PDZD7: variants seen among roughly 807,000 people sequenced by gnomAD.
PDZD7 encodes the protein PDZ domain-containing protein 7.
Under a neutral mutation model 84.7 loss-of-function variants are expected in PDZD7, and 72 were observed. The ratio of observed to expected loss-of-function variants is 0.85; its 90% confidence interval spans 0.70 to 1.03. PDZD7 has a LOEUF of 1.03. Ranked by LOEUF, PDZD7 falls within the 50% of genes least tolerant of loss-of-function variation. The pLI, the probability that PDZD7 is intolerant of heterozygous loss-of-function variation, is 0.00. For synonymous variants in PDZD7, 594 were observed against 580.7 expected, an observed-to-expected ratio of 1.02 and a Z score of -0.33; for missense variants, 1,490 against 1,412.9, an observed-to-expected ratio of 1.05 and a Z score of -0.87.
At chr10:101,025,279 G>C (rs896005343) in intron 2 of PDZD7, among the ~76,000 whole-genome samples, 2 of 151,578 alleles carry the variant, frequency 1.3e-5, no homozygotes, top group African/African-American at 4.9e-5. Flanking sequence ...ATGCAATCTC[G>C]GTTCACTGCA....
At chr10:101,017,606 AC>A (rs1216542682) in intron 9 of PDZD7, 1 of 700,132 alleles carries the variant, frequency 1.4e-6, no homozygotes, top group Non-Finnish European at 2.6e-6. Flanking sequence ...ACAGGGTGAA[AC>A]CCCCATCTCT....
In PDZD7 at chr10:101,015,650, G is replaced by A. The variant is rs959548253; in HGVS notation, c.1735C>T (p.Arg579Cys). ...LTDDEVLAVT[R>C]HCSRYVHEGG... ...TGAAGGCTTACCCGGGAGCAGTGGC[G>A]GGTGACAGCCAGCACCTCGTCATCA... is the stretch of plus-strand genomic sequence containing the variant. Residue 579 changes from arginine to cysteine, a missense_variant, in exon 11 of 17, where the codon CGC (arginine) becomes TGC (cysteine). Arg to Cys is a radical substitution (Grantham distance 180). Transcript: ENST00000619208. 30 of 1,549,510 alleles carry A rather than the reference G, an allele frequency of 1.9e-5. No individual in the cohort carries two copies. Among genetic ancestry groups the A allele is most frequent in the East Asian group, 4.9e-5 (2 of 40,930 alleles).
At position 101,010,573 on chromosome 10, in the gene PDZD7, G is replaced by C. The variant is rs2133999163; in HGVS notation, c.2316C>G (p.Ser772Arg). Residue 772 changes from serine to arginine, a missense_variant, in exon 15 of 17, where the codon AGC becomes AGG. Transcript: ENST00000619208. The stretch of plus-strand genomic sequence containing the variant: ...GGCTGCGGCTACGGCTGCGGCTACG[G>C]CTCTGAGCCCGGCCCCGGATCTGGC... The part of the protein sequence containing the change: ...PQSQIRGRAQ[S>R]RSRSRSRSRS... 1 of 1,519,950 alleles carries C rather than the reference G, an allele frequency of 6.6e-7. No homozygotes were observed. Among genetic ancestry groups the C allele is most frequent in the East Asian group, 2.5e-5 (1 of 40,582 alleles). The allele number at this position is 1,519,950 out of a possible 1,614,324, so 94.2% of individuals were successfully genotyped here.
chr10:101,012,368 G>A, intron 11 of PDZD7, 110 bp from the exon 12 acceptor site: 1 of 923,532 alleles, frequency 1.1e-6, no homozygotes, highest in South Asian at 1.4e-5. Context: ...GACCTATCCA[G>A]CCCTGCGTGC....
At chr10:101,021,133 A>G (rs146248360) in intron 6 of PDZD7, among the ~76,000 whole-genome samples, 52 of 152,194 alleles carry the variant, frequency 3.4e-4, no homozygotes, top group African/African-American at 1.3e-3. Flanking sequence ...GATGTTTGGG[A>G]TAATCTGAGA....
intron 9 of PDZD7, chr10:101,017,857 A>C (rs1449192109): frequency 4.7e-6 from 1 of 214,884 alleles, no homozygotes; most frequent in African/African-American, 4.2e-5. Context: ...GAAAGAAAGA[A>C]AGAAAGAAAG....
Position 101,008,721 on chromosome 10 carries a change from G to T in PDZD7, c.2848C>A (p.Pro950Thr). Residue 950 changes from proline to threonine, a missense_variant, in exon 17 of 17, where the codon CCC (proline) becomes ACC (threonine). Physicochemically the swap from Pro to Thr is conservative, Grantham distance 38. Transcript: ENST00000619208. ...GGTGAGGGCCGTGGGCTGGGCCCGG[G>T]GACCCTGACCACAAGCTCCATGGGC... The part of the protein sequence containing the change: ...REPMELVVRV[P>T]GPSPRPSPSD... 6.5e-7 allele frequency: 1 copy of T among 1,536,004 alleles called. No homozygotes were observed. The highest frequency in any genetic ancestry group is 8.7e-7 in the Non-Finnish European group (1 of 1,146,848).
rs758260327 is a variant in PDZD7, at chr10:101,011,914, C to G, written c.1933+11G>C. The G allele has an allele frequency of 6.9e-5, 107 of 1,549,932 alleles. 1 individual carries two copies. In the South Asian group the frequency reaches 1.2e-3, roughly 17 times the overall value. ...GCTCAGGACCCAGAAGCCCCGCCCC[C>G]CACTGCTGACCTGCCCTGCTCTTGA... On this transcript the variant is annotated intron_variant, in intron 13 of 16. Transcript: ENST00000619208.
Position 101,030,229 on chromosome 10 carries a change from G to A in PDZD7, c.-10C>T. The A allele has an allele frequency of 6.3e-7, 1 of 1,590,174 alleles. No individual in the cohort carries two copies. Among genetic ancestry groups the A allele is most frequent in the East Asian group, 2.3e-5 (1 of 44,204 alleles). On this transcript the variant is annotated 5_prime_UTR_variant, in exon 2 of 17. Coordinates refer to ENST00000619208, the MANE Select transcript of PDZD7 (RefSeq NM_001195263.2). ...CGAAACCCTGCGCCATGGCGGCTGG[G>A]CTAGGGCGGCACCCTACAGGTCCAG...
In PDZD7 at chr10:101,010,828, A is replaced by T. The variant is rs1254788246; in HGVS notation, c.2061T>A (p.Asp687Glu). Residue 687 changes from aspartate to glutamate, a missense_variant, in exon 15 of 17, where the codon GAT becomes GAA. Coordinates refer to ENST00000619208, the MANE Select transcript of PDZD7 (RefSeq NM_001195263.2). Reference protein sequence around the residue: ...LPVNGFPEEEDNGELRERLGA... With the variant: ...LPVNGFPEEEENGELRERLGA... ...CCAGCCGCTCCCTCAGCTCCCCATT[A>T]TCTTCCTCTTCCGGGAAGCCGTTCA... 20 of 1,535,054 alleles carry T rather than the reference A, an allele frequency of 1.3e-5. No homozygotes were observed. The highest frequency in any genetic ancestry group is 1.7e-5 in the Non-Finnish European group (20 of 1,146,890).
At chr10:101,017,420 TC>T in intron 9 of PDZD7, 1 of 457,626 alleles carries the variant, frequency 2.2e-6, no homozygotes. Context: ...AGAGACAGGG[TC>T]TTGCTATGTT....
rs1288240690 is a variant in PDZD7, at chr10:101,030,059, G to T, written c.161C>A (p.Pro54His). 6.2e-7 allele frequency: 1 copy of T among 1,614,118 alleles called. No homozygotes were observed. Among genetic ancestry groups the T allele is most frequent in the Non-Finnish European group, 8.5e-7 (1 of 1,180,038 alleles). The change falls in exon 2 of 17, where the codon CCC (proline) becomes CAC (histidine). Residue 54 changes from proline (P) to histidine (H), a missense_variant. Pro to His is a moderately conservative substitution (Grantham distance 77). Coordinates refer to ENST00000619208, the MANE Select transcript of PDZD7 (RefSeq NM_001195263.2). Reference protein sequence around the residue: ...LRKQQRLLNGPPRGIRASSPM... With the variant: ...LRKQQRLLNGHPRGIRASSPM... Reference sequence around the variant, plus strand: ...CGATGAGGCTCGGATTCCGCGGGGGGGCCCGTTCAGCAGCCGTTGTTGCTT... The same window carrying T: ...CGATGAGGCTCGGATTCCGCGGGGGTGCCCGTTCAGCAGCCGTTGTTGCTT...
At chr10:101,021,594 C>G (rs1853100505) in intron 6 of PDZD7, among the ~76,000 whole-genome samples, 1 of 152,228 alleles carries the variant, frequency 6.6e-6, no homozygotes, top group Non-Finnish European at 1.5e-5. Context: ...AGCCACTGAC[C>G]AGCTGAGTAA....
At chr10:101,022,159 A>C (rs189423807) in intron 5 of PDZD7, 50 bp downstream of exon 5, 1 of 1,609,506 alleles carries the variant, frequency 6.2e-7, no homozygotes. Context: ...GCCCCACTCC[A>C]GACCCCATTC....
chr10:101,015,074 T>C (rs766519687), intron 11 of PDZD7, among the ~76,000 whole-genome samples: 2 of 152,170 alleles, frequency 1.3e-5, no homozygotes, highest in South Asian at 2.1e-4. Flanking sequence ...CTGGTTCTTT[T>C]TGAAGTGGAA....
At position 101,010,710 on chromosome 10, in the gene PDZD7, G is replaced by T; in HGVS notation, c.2179C>A (p.Pro727Thr). 1 of 1,347,048 alleles carries T rather than the reference G, an allele frequency of 7.4e-7. No individual in the cohort carries two copies. The highest frequency in any genetic ancestry group is 9.8e-7 in the Non-Finnish European group (1 of 1,025,578). The allele number at this position is 1,347,048 out of a possible 1,614,324, so 83.4% of individuals were successfully genotyped here. The stretch of plus-strand genomic sequence containing the variant: ...GGGGGTGTGCAGGCAATTCGGAGGG[G>T]GGTGAAGGCATCTACTGGCACGTCT... ...LQDVPVDAFTPLRIACTPPPQ... is the reference protein window; with the variant it reads ...LQDVPVDAFTTLRIACTPPPQ... The change falls in exon 15 of 17, where the codon CCC becomes ACC. Residue 727 changes from proline (P) to threonine (T), a missense_variant. Transcript: ENST00000619208.
intron 7 of PDZD7, among the ~76,000 whole-genome samples, chr10:101,020,298 G>A (rs1853010052): frequency 6.6e-6 from 1 of 151,662 alleles, no homozygotes; most frequent in African/African-American, 2.4e-5. Context: ...TAAAGACTGG[G>A]TTTCTCCATG....
intron 14 of PDZD7, 172 bp downstream of exon 14, chr10:101,011,518 A>G: frequency 1.4e-6 from 2 of 1,434,254 alleles, no homozygotes; most frequent in South Asian, 3.0e-5. Flanking sequence ...ACAGGTGGTG[A>G]CCAGCAGATG....
chr10:101,009,391 C>A, intron 15 of PDZD7, 41 bp from the exon 16 acceptor site: 2 of 1,478,596 alleles, frequency 1.4e-6, no homozygotes, highest in Admixed American at 2.0e-5. Context: ...TGCAGCCGGA[C>A]CCCAAAATGC....
Sources: allele counts gnomAD v4.1 joint callset (sites outside exome capture counted in the v4.1 genomes callset), GRCh38; gene constraint gnomAD v4.1.1; transcripts MANE v1.5; gene names NCBI Gene and HGNC (gene_info 2026-07-23, HGNC 2026-07-21).